Variants in ADAMTS17 observed in about 807,000 individuals in gnomAD.
The protein encoded by ADAMTS17 is A disintegrin and metalloproteinase with thrombospondin motifs 17.
Under a neutral mutation model 141.5 loss-of-function variants are expected in ADAMTS17, and 113 were observed. The ratio of observed to expected loss-of-function variants is 0.80; its 90% CI spans 0.69 to 0.93. The LOEUF is 0.93. Ranked by LOEUF, ADAMTS17 falls within the 40% of genes least tolerant of loss-of-function variation. The probability of loss-of-function intolerance (pLI) is 0.00; values close to 1 mark genes in which losing one functional copy is unlikely to be tolerated. For missense variants in ADAMTS17, 1,659 were observed against 1,517.9 expected, an observed-to-expected ratio of 1.09 and a Z score of -1.54; for synonymous variants, 768 against 630.6, an observed-to-expected ratio of 1.22 and a Z score of -3.27.
Position 100,172,530 on chromosome 15 carries a change from G to A in ADAMTS17, c.1182-17210C>T, listed in dbSNP as rs138392940. ...ACCTGCTCCATCCTGACTCACCTCTGGTCACCTCCTCTGTCCTGATTCATC... is the reference window on the plus strand; with the variant it reads ...ACCTGCTCCATCCTGACTCACCTCTAGTCACCTCCTCTGTCCTGATTCATC... On this transcript the variant is annotated intron_variant, in intron 8 of 21. Transcript: ENST00000268070. 3.8e-3 allele frequency among the ~76,000 whole-genome samples: 571 copies of A among 152,102 alleles called. 3 individuals are homozygous for A. The highest frequency in any genetic ancestry group is 0.012 in the African/African-American group (500 of 41,472).
At chr15:100,088,444 C>A (rs1366096768) in intron 15 of ADAMTS17, among the ~76,000 whole-genome samples, 1 of 152,188 alleles carries the variant, frequency 6.6e-6, no homozygotes, top group African/African-American at 2.4e-5. Flanking sequence ...ATGACATCTC[C>A]ATCAAGCTAC....
intron 8 of ADAMTS17, among the ~76,000 whole-genome samples, chr15:100,179,550 G>C (rs527378492): frequency 6.6e-6 from 1 of 152,116 alleles, no homozygotes; most frequent in African/African-American, 2.4e-5. Flanking sequence ...CCTTTCTTTT[G>C]GGTATATACC....
intron 3 of ADAMTS17, 81 bp from the exon 4 acceptor site, chr15:100,281,482 C>A (rs920234589): frequency 3.3e-6 from 5 of 1,532,154 alleles, no homozygotes; most frequent in Non-Finnish European, 3.5e-6. Context: ...TTCTGTCAAG[C>A]CTGCCCGAGA....
rs2141102223 is a variant in ADAMTS17 at position 100,109,711 on chromosome 15, A to G, written c.1889-595T>C. The stretch of plus-strand genomic sequence containing the variant: ...ACTTATAAGAGCCGCATGTGCACCC[A>G]GGCAGGATGGAAACCTGGGTTTCCC... On this transcript the variant is annotated intron_variant, in intron 13 of 21. Transcript: ENST00000268070. 2.0e-5 allele frequency among the ~76,000 whole-genome samples: 3 copies of G among 152,270 alleles called. No individual in the cohort carries two copies. In the Middle Eastern group the frequency reaches 0.01, roughly 518 times the overall value.
chr15:100,078,710 T>C (rs28871424), intron 15 of ADAMTS17, among the ~76,000 whole-genome samples: 23,786 of 152,036 alleles, frequency 0.16, 3,601 homozygotes, highest in African/African-American at 0.4. Context: ...AAAGAAAAAA[T>C]AGTTTAACTG....
intron 4 of ADAMTS17, among the ~76,000 whole-genome samples, chr15:100,268,689 GTC>G (rs1226865392): frequency 1.6e-4 from 25 of 152,248 alleles, no homozygotes; most frequent in African/African-American, 5.5e-4. Flanking sequence ...TTAGACCTTT[GTC>G]AGATAGTTTG....
intron 8 of ADAMTS17, among the ~76,000 whole-genome samples, chr15:100,156,535 G>C (rs527845200): frequency 2.2e-4 from 33 of 152,310 alleles, no homozygotes; most frequent in East Asian, 1.9e-3. Context: ...GTCAGTGGAG[G>C]GGGGGCATCC....
At chr15:100,167,019 G>T (rs111442254) in intron 8 of ADAMTS17, among the ~76,000 whole-genome samples, 1,873 of 152,318 alleles carry the variant, frequency 0.012, 48 homozygotes, top group African/African-American at 0.043. Flanking sequence ...TCTCTATGTG[G>T]GCTGCCTGAT....
intron 7 of ADAMTS17, among the ~76,000 whole-genome samples, chr15:100,210,932 T>G (rs1468108621): frequency 6.6e-6 from 1 of 151,908 alleles, no homozygotes; most frequent in Non-Finnish European, 1.5e-5. Flanking sequence ...AAACCTCGAC[T>G]CTACTAAAAA....
intron 3 of ADAMTS17, among the ~76,000 whole-genome samples, chr15:100,283,834 A>T (rs905480131): frequency 6.6e-6 from 1 of 152,212 alleles, no homozygotes; most frequent in African/African-American, 2.4e-5. Context: ...CACTGGGTAC[A>T]GTGGCTCACG....
chr15:100,138,865 G>A (rs557226069), intron 10 of ADAMTS17, among the ~76,000 whole-genome samples: 88 of 152,134 alleles, frequency 5.8e-4, no homozygotes, highest in African/African-American at 9.6e-4. Flanking sequence ...TCTTAAACAC[G>A]GGCTCAAACT....
At position 100,032,544 on chromosome 15, in the gene ADAMTS17, C is replaced by T. The variant is rs73482761; in HGVS notation, c.2591+16313G>A. Among the ~76,000 whole-genome samples the T allele has an allele frequency of 8.7e-3, 1,326 of 152,282 alleles. 25 individuals are homozygous for T. Among genetic ancestry groups the T allele is most frequent in the African/African-American group, 0.031 (1,269 of 41,552 alleles). ...CTTCCAGGGAAAGGAACCACTCCAGCTTCCCCTTGATAGCACTCGGAGTTA... is the reference window on the plus strand; with the variant it reads ...CTTCCAGGGAAAGGAACCACTCCAGTTTCCCCTTGATAGCACTCGGAGTTA... On this transcript the variant is annotated intron_variant, in intron 18 of 21. Coordinates refer to ENST00000268070, the MANE Select transcript of ADAMTS17 (RefSeq NM_139057.4).
chr15:100,264,625 C>CAAAACTGTA, intron 4 of ADAMTS17, among the ~76,000 whole-genome samples: 1 of 152,310 alleles, frequency 6.6e-6, no homozygotes, highest in South Asian at 2.1e-4. Context: ...TCAGGAAGAA[C>CAAAACTGTA]AAAACTGTAG....
intron 3 of ADAMTS17, among the ~76,000 whole-genome samples, chr15:100,294,931 T>C (rs1451809627): frequency 6.6e-6 from 1 of 152,204 alleles, no homozygotes; most frequent in Non-Finnish European, 1.5e-5. Context: ...TGAGTCCTTC[T>C]CCTTGGGAGA....
In ADAMTS17 at chr15:100,132,279, T is replaced by C. The variant is rs144240350; in HGVS notation, c.1576-127A>G. On this transcript the variant is annotated intron_variant, in intron 11 of 21. Coordinates refer to ENST00000268070, the MANE Select transcript of ADAMTS17 (RefSeq NM_139057.4). ...AAATTTACATAAAGGTACAGTCTAT[T>C]TCAGGGTTTGCACGTTTGCTAATTT... 5.7e-4 allele frequency: 759 copies of C among 1,331,038 alleles called. 6 individuals carry two copies. The African/African-American group carries it at 9.7e-3, about 17-fold the overall frequency. 82.5% of individuals were successfully genotyped at this position (1,331,038 alleles called of 1,614,324 possible).
intron 7 of ADAMTS17, among the ~76,000 whole-genome samples, chr15:100,203,962 C>G (rs78064288): frequency 5.7e-4 from 86 of 152,002 alleles, no homozygotes; most frequent in African/African-American, 2.0e-3. Flanking sequence ...TTTAATTTAT[C>G]GAGAGAAGAG....
chr15:100,284,545 C>T (rs1044482213), intron 3 of ADAMTS17, among the ~76,000 whole-genome samples: 12 of 152,146 alleles, frequency 7.9e-5, no homozygotes, highest in African/African-American at 1.4e-4. Flanking sequence ...TCCTTTCCAA[C>T]GCAAGTGTCC....
At chr15:100,244,447 GCT>G (rs2042925672) in intron 7 of ADAMTS17, among the ~76,000 whole-genome samples, 1 of 151,428 alleles carries the variant, frequency 6.6e-6, no homozygotes, top group Admixed American at 6.6e-5. Context: ...ATCTCATCTA[GCT>G]CCAATAATTA....
At chr15:100,216,162 C>T (rs910571900) in intron 7 of ADAMTS17, among the ~76,000 whole-genome samples, 8 of 152,196 alleles carry the variant, frequency 5.3e-5, no homozygotes, top group Non-Finnish European at 1.2e-4. Flanking sequence ...ATGAGATGAA[C>T]ACCTACCTCG....
Sources: allele counts gnomAD v4.1 joint callset (sites outside exome capture counted in the v4.1 genomes callset), GRCh38; gene constraint gnomAD v4.1.1; transcripts MANE v1.5; gene names NCBI Gene and HGNC (gene_info 2026-07-23, HGNC 2026-07-21).